Variants in TRPC7 observed in about 807,000 individuals in gnomAD.
TRPC7 encodes the protein short transient receptor potential channel 7.
In TRPC7, 42 loss-of-function variants were observed where a neutral mutation model predicts 90.1. The observed-to-expected ratio is 0.47, with a 90% CI of 0.36 to 0.60. The LOEUF is 0.60. Ranked by LOEUF, TRPC7 falls within the 20% of genes least tolerant of loss-of-function variation. The pLI is 0.00. For missense variants in TRPC7, 955 were observed against 1,112.3 expected, an observed-to-expected ratio of 0.86 and a Z score of 2.01; for synonymous variants, 451 against 436.3, an observed-to-expected ratio of 1.03 and a Z score of -0.42.
At chr5:136,349,800 A>G (rs977691533) in intron 2 of TRPC7, among the ~76,000 whole-genome samples, 1 of 152,218 alleles carries the variant, frequency 6.6e-6, no homozygotes, top group Non-Finnish European at 1.5e-5. Flanking sequence ...CAACTGAAGT[A>G]CAGTCATGCA....
intron 3 of TRPC7, among the ~76,000 whole-genome samples, chr5:136,303,352 CA>C (rs765316876): frequency 3.9e-5 from 6 of 152,148 alleles, no homozygotes; most frequent in Non-Finnish European, 5.9e-5. Context: ...AATAAAACTC[CA>C]AAAATTAAAT....
chr5:136,341,476 C>T (rs62387361), intron 2 of TRPC7, among the ~76,000 whole-genome samples: 39 of 45,968 alleles, frequency 8.5e-4, no homozygotes, highest in African/African-American at 1.6e-3. Context: ...CATATATATA[C>T]ACACACACAC....
At chr5:136,336,442 T>C (rs1759665921) in intron 2 of TRPC7, among the ~76,000 whole-genome samples, 1 of 152,112 alleles carries the variant, frequency 6.6e-6, no homozygotes, top group African/African-American at 2.4e-5. Context: ...AAGATTTCAA[T>C]TCAGATGTTG....
At chr5:136,339,912 C>T (rs974741288) in intron 2 of TRPC7, among the ~76,000 whole-genome samples, 2 of 151,852 alleles carry the variant, frequency 1.3e-5, no homozygotes, top group African/African-American at 4.8e-5. Context: ...GAATAAATTT[C>T]AGAGGAATTA....
chr5:136,252,100 C>G lies in TRPC7; in HGVS notation c.1346-218G>C, dbSNP rs74755272. Among the ~76,000 whole-genome samples the G allele has an allele frequency of 8.0e-3, 1,220 of 152,256 alleles. 14 individuals are homozygous for G. Among genetic ancestry groups the G allele is most frequent in the African/African-American group, 0.021 (858 of 41,554 alleles). ...TGTGCTTACGAACACACTGTCTCTG[C>G]AAGTGAGGAGAGAGTTTTCATTCGT... On this transcript the variant is annotated intron_variant, in intron 5 of 11. Transcript: ENST00000513104.
At position 136,266,301 on chromosome 5, in the gene TRPC7, T is replaced by C. The variant is rs767593781; in HGVS notation, c.1264A>G (p.Thr422Ala). The C allele has an allele frequency of 1.9e-6, 3 of 1,613,978 alleles. No individual in the cohort carries two copies. In the Admixed American group the frequency reaches 5.0e-5, roughly 27 times the overall value. Residue 422 changes from threonine to alanine, a missense_variant, in exon 5 of 12, where the codon ACA becomes GCA. Around this residue, in one of 4 missense-constraint regions of TRPC7, gnomAD observed 484 missense variants for 509.6 expected, o/e 0.95. Coordinates refer to ENST00000513104, the MANE Select transcript of TRPC7 (RefSeq NM_020389.3). The part of the protein sequence containing the change: ...GVKTLPNETF[T>A]DYPKQIFRVK... ...CTGAAGATTTGTTTTGGGTAGTCTG[T>C]GAAGGTTTCGTTTGGCAGGGTTTTA... is the stretch of plus-strand genomic sequence containing the variant.
intron 2 of TRPC7, among the ~76,000 whole-genome samples, chr5:136,350,983 T>A (rs552185859): frequency 1.3e-3 from 195 of 152,374 alleles, no homozygotes; most frequent in African/African-American, 4.6e-3. Context: ...AAGTCCCTGA[T>A]ATAAAATGGC....
rs183301718 is a variant in TRPC7, at chr5:136,260,763, T to C, written c.1345+5457A>G. 2.7e-3 allele frequency among the ~76,000 whole-genome samples: 411 copies of C among 152,182 alleles called. 3 individuals carry two copies. The highest frequency in any genetic ancestry group is 9.3e-3 in the African/African-American group (386 of 41,518). On this transcript the variant is annotated intron_variant, in intron 5 of 11. Transcript: ENST00000513104. ...CCTGCATTGAGAACAGACTGAGTCA[T>C]GGGGGTGGGAGGGGCAGCAGCAAGG... is the stretch of plus-strand genomic sequence containing the variant.
chr5:136,220,174 C>T (rs1023209689), intron 10 of TRPC7, among the ~76,000 whole-genome samples: 48 of 152,076 alleles, frequency 3.2e-4, no homozygotes, highest in African/African-American at 1.1e-3. Context: ...TGTGTTTGAA[C>T]AATATGAAAT....
chr5:136,307,673 A>G (rs1758686099), intron 3 of TRPC7, among the ~76,000 whole-genome samples: 1 of 152,178 alleles, frequency 6.6e-6, no homozygotes. Flanking sequence ...GGTTAACGCA[A>G]GCTGGGGGTA....
chr5:136,302,584 T>G (rs567733889), intron 3 of TRPC7, among the ~76,000 whole-genome samples: 1 of 152,118 alleles, frequency 6.6e-6, no homozygotes. Flanking sequence ...CATTCCTCCT[T>G]CTTCTCCCTT....
intron 11 of TRPC7, among the ~76,000 whole-genome samples, chr5:136,215,185 A>G (rs1216000319): frequency 6.6e-6 from 1 of 152,172 alleles, no homozygotes; most frequent in Non-Finnish European, 1.5e-5. Flanking sequence ...GGACAGGGCC[A>G]GTTAGAAGCA....
intron 3 of TRPC7, among the ~76,000 whole-genome samples, chr5:136,302,130 A>G (rs565263821): frequency 1.3e-5 from 2 of 152,288 alleles, no homozygotes; most frequent in African/African-American, 4.8e-5. Flanking sequence ...GACATGTTTT[A>G]TCTGTGGACC....
At chr5:136,227,312 C>T (rs937505738) in intron 8 of TRPC7, among the ~76,000 whole-genome samples, 2 of 152,148 alleles carry the variant, frequency 1.3e-5, no homozygotes, top group Admixed American at 6.5e-5. Flanking sequence ...CTCAAAACCC[C>T]TTATTAGCTG....
At chr5:136,255,119 C>A (rs575455670) in intron 5 of TRPC7, among the ~76,000 whole-genome samples, 2 of 152,104 alleles carry the variant, frequency 1.3e-5, no homozygotes, top group African/African-American at 4.8e-5. Flanking sequence ...GTGAAGATGC[C>A]GTGAACATTG....
chr5:136,358,942 A>G (rs1431753563), intron 1 of TRPC7, among the ~76,000 whole-genome samples: 3 of 152,204 alleles, frequency 2.0e-5, no homozygotes, highest in Admixed American at 6.5e-5. Context: ...ACTATTTTCT[A>G]TGGTCCCAGA....
intron 3 of TRPC7, among the ~76,000 whole-genome samples, chr5:136,294,427 TCAAA>T (rs1252825867): frequency 6.6e-6 from 1 of 151,760 alleles, no homozygotes; most frequent in Non-Finnish European, 1.5e-5. Flanking sequence ...TACAATGAAC[TCAAA>T]CAAATTTACA....
chr5:136,351,141 T>A, intron 2 of TRPC7, among the ~76,000 whole-genome samples: 1 of 152,236 alleles, frequency 6.6e-6, no homozygotes, highest in Non-Finnish European at 1.5e-5. Context: ...ATTGTGATTT[T>A]TTTTTCCAAA....
At position 136,213,277 on chromosome 5, in the gene TRPC7, G is replaced by C; in HGVS notation, c.*158C>G. The C allele has an allele frequency of 2.7e-6, 2 of 743,030 alleles. No individual in the cohort carries two copies. The highest frequency in any genetic ancestry group is 3.8e-5 in the South Asian group (2 of 52,548). 46.0% of individuals were successfully genotyped at this position (743,030 alleles called of 1,614,324 possible). ...GTTCTGGGTCTAGGCAGGCCAGCGGGCTGGAGATGTCAGTCATGCTGCAAG... is the reference window on the plus strand; with the variant it reads ...GTTCTGGGTCTAGGCAGGCCAGCGGCCTGGAGATGTCAGTCATGCTGCAAG... On this transcript the variant is annotated 3_prime_UTR_variant, in exon 12 of 12. Coordinates refer to ENST00000513104, the MANE Select transcript of TRPC7 (RefSeq NM_020389.3).
Sources: gnomAD v4.1 joint callset for allele counts (sites outside exome capture counted in the v4.1 genomes callset) on GRCh38, gnomAD v4.1.1 for gene constraint, gnomAD v4.1.1 regional missense constraint, MANE v1.5 for transcripts, NCBI Gene and HGNC (gene_info 2026-07-23, HGNC 2026-07-21) for gene names.